PPP1R42: variants seen among roughly 807,000 people sequenced by gnomAD.
PPP1R42 encodes the protein protein phosphatase 1 regulatory subunit 42.
Under a neutral mutation model 31.0 loss-of-function variants are expected in PPP1R42, and 34 were observed. The observed-to-expected ratio is 1.10, with a 90% CI of 0.83 to 1.46. The LOEUF is 1.46. Among genes scored for constraint, PPP1R42 ranks in the 40% most tolerant of loss-of-function variants. The probability of loss-of-function intolerance (pLI) is 0.00; values close to 1 mark genes in which losing one functional copy is unlikely to be tolerated. For synonymous variants in PPP1R42, 103 were observed against 109.8 expected, an observed-to-expected ratio of 0.94 and a Z score of 0.39; for missense variants, 268 against 303.0, an observed-to-expected ratio of 0.88 and a Z score of 0.86.
At chr8:66,986,994 C>A (rs957152346) in intron 6 of PPP1R42, among the ~76,000 whole-genome samples, 1 of 152,192 alleles carries the variant, frequency 6.6e-6, no homozygotes, top group Non-Finnish European at 1.5e-5. Flanking sequence ...TGAAACCCCG[C>A]CTCTACTCTA....
chr8:66,986,238 C>T (rs1815011252), intron 6 of PPP1R42: 1 of 529,512 alleles, frequency 1.9e-6, no homozygotes, highest in Middle Eastern at 5.4e-4. Context: ...CCGCGCCCTG[C>T]CTGACATCAC....
chr8:67,014,561 A>T lies in PPP1R42; in HGVS notation c.161T>A (p.Val54Asp). ...EDLSLCKNLS[V>D]LYLYDNCISQ... is the part of the protein sequence containing the mutation. ...AATACAATTATCATATAAATATAAA[A>T]CACTAAGATTTTTGCAAAGAGAGAG... is the stretch of plus-strand genomic sequence containing the variant. The change falls in exon 3 of 8, where the codon GTT becomes GAT. Residue 54 changes from valine to aspartate, a missense_variant. Transcript: ENST00000685739. The T allele has an allele frequency of 6.5e-7, 1 of 1,539,676 alleles. No individual in the cohort carries two copies. The highest frequency in any genetic ancestry group is 8.8e-7 in the Non-Finnish European group (1 of 1,134,126).
intron 1 of PPP1R42, among the ~76,000 whole-genome samples, chr8:67,018,931 G>T (rs1816114787): frequency 6.9e-6 from 1 of 145,380 alleles, no homozygotes; most frequent in Non-Finnish European, 1.5e-5. Flanking sequence ...CCTGGTTAAA[G>T]CAATTCACCT....
At chr8:66,986,668 G>C (rs1375237157) in intron 6 of PPP1R42, among the ~76,000 whole-genome samples, 1 of 152,204 alleles carries the variant, frequency 6.6e-6, no homozygotes, top group Non-Finnish European at 1.5e-5. Flanking sequence ...CCAAGTTAAT[G>C]TCTTTAACTT....
chr8:66,970,991 A>G (rs1433823365), intron 7 of PPP1R42: 1 of 1,522,102 alleles, frequency 6.6e-7, no homozygotes. Context: ...CCCATCTCTT[A>G]AATAATTTTA....
intron 6 of PPP1R42, chr8:66,985,122 A>G: frequency 8.3e-7 from 1 of 1,198,398 alleles, no homozygotes. Flanking sequence ...GGGCAAGCCT[A>G]GTCAAAGTAT....
chr8:66,987,733 T>A (rs1262638904), intron 6 of PPP1R42, among the ~76,000 whole-genome samples: 2 of 152,198 alleles, frequency 1.3e-5, no homozygotes, highest in East Asian at 3.8e-4. Flanking sequence ...CCACTCATGC[T>A]AAGTAAACCA....
chr8:66,986,101 T>C lies in PPP1R42; in HGVS notation c.670+2299A>G, dbSNP rs1044075951. 2.8e-5 allele frequency: 20 copies of C among 713,412 alleles called. 1 individual carries two copies. In the Admixed American group the frequency reaches 3.5e-4, roughly 13 times the overall value. The allele number at this position is 713,412 out of a possible 1,614,324, so 44.2% of individuals were successfully genotyped here. On this transcript the variant is annotated intron_variant, in intron 6 of 7. Transcript: ENST00000685739. Reference sequence around the variant, plus strand: ...TGATCGGCTGCCTTCTTCTTGTCCATGCTCTTCCCTACAGCAGTTCAATGC... The same window carrying C: ...TGATCGGCTGCCTTCTTCTTGTCCACGCTCTTCCCTACAGCAGTTCAATGC...
rs908923321 is a variant in PPP1R42 at position 67,028,493 on chromosome 8, C to G, written c.-87G>C. 4 of 985,412 alleles carry G rather than the reference C, an allele frequency of 4.1e-6. No individual in the cohort carries two copies. In the African/African-American group the frequency reaches 7.0e-5, roughly 17 times the overall value. The allele number at this position is 985,412 out of a possible 1,614,324, so 61.0% of individuals were successfully genotyped here. ...CTTATTCCCCGCGGGCAGCTCACCG[C>G]TCGCGGGACAGTCCGGTAGCTAACT... On this transcript the variant is annotated splice_region_variant and 5_prime_UTR_variant, in exon 1 of 8. Transcript: ENST00000685739.
intron 7 of PPP1R42, among the ~76,000 whole-genome samples, chr8:66,969,010 T>C: frequency 6.6e-6 from 1 of 152,258 alleles, no homozygotes. Context: ...TAGGATAGCC[T>C]ATCTTTGCAG....
At chr8:66,987,700 TTCTC>T (rs1815065165) in intron 6 of PPP1R42, among the ~76,000 whole-genome samples, 1 of 152,190 alleles carries the variant, frequency 6.6e-6, no homozygotes, top group South Asian at 2.1e-4. Flanking sequence ...TTTAATAAGT[TTCTC>T]TCAATACAAA....
At position 67,010,812 on chromosome 8, in the gene PPP1R42, T is replaced by C. The variant is rs1815820603; in HGVS notation, c.455A>G (p.Asn152Ser). ...HSLAKSLCIL[N>S]ISNNNIDDIT... ...GTCATCAATATTATTATTGCTGATA[T>C]TCAATATACAGAGGGATTTCTGTAA... is the stretch of plus-strand genomic sequence containing the variant. The change falls in exon 5 of 8, where the codon AAT becomes AGT. Residue 152 changes from asparagine (N) to serine (S), a missense_variant. Coordinates refer to ENST00000685739, the MANE Select transcript of PPP1R42 (RefSeq NM_001364910.1). 2 of 1,596,468 alleles carry C rather than the reference T, an allele frequency of 1.3e-6. No individual in the cohort carries two copies. Among genetic ancestry groups the C allele is most frequent in the East Asian group, 2.2e-5 (1 of 44,640 alleles).
chr8:66,982,487 C>T (rs1373800519), intron 6 of PPP1R42, among the ~76,000 whole-genome samples: 2 of 151,854 alleles, frequency 1.3e-5, no homozygotes, highest in Admixed American at 6.6e-5. Context: ...GACAAGTTCT[C>T]GCTCTGTCAT....
intron 5 of PPP1R42, among the ~76,000 whole-genome samples, chr8:66,991,580 GT>G (rs1443313356): frequency 6.6e-6 from 1 of 152,142 alleles, no homozygotes; most frequent in Non-Finnish European, 1.5e-5. Context: ...CGTCCACCAA[GT>G]TTTCTCAGTT....
At chr8:66,999,598 G>T (rs1166460033) in intron 5 of PPP1R42, among the ~76,000 whole-genome samples, 1 of 152,104 alleles carries the variant, frequency 6.6e-6, no homozygotes, top group Non-Finnish European at 1.5e-5. Context: ...GATCTGCTCA[G>T]CTTGGCCTCC....
chr8:66,985,259 G>C, intron 6 of PPP1R42: 1 of 1,059,776 alleles, frequency 9.4e-7, no homozygotes, highest in South Asian at 1.3e-5. Flanking sequence ...GTGCGTTTCT[G>C]GCGCTGGGAA....
intron 7 of PPP1R42, among the ~76,000 whole-genome samples, chr8:66,975,981 T>C (rs1256732963): frequency 1.3e-5 from 2 of 152,212 alleles, no homozygotes; most frequent in Admixed American, 6.5e-5. Flanking sequence ...TGTGGCCTAT[T>C]AGAAACTGGG....
chr8:66,968,570 A>G (rs1359447177), intron 7 of PPP1R42: 3 of 762,316 alleles, frequency 3.9e-6, no homozygotes, highest in Non-Finnish European at 4.8e-6. Flanking sequence ...TCTAGAAACT[A>G]AAAATCTGTT....
chr8:66,989,151 TG>T, intron 5 of PPP1R42, among the ~76,000 whole-genome samples: 1 of 152,200 alleles, frequency 6.6e-6, no homozygotes, highest in African/African-American at 2.4e-5. Context: ...AGTACAATTT[TG>T]TTTTATATTA....
Sources: gnomAD v4.1 joint callset for allele counts (sites outside exome capture counted in the v4.1 genomes callset) on GRCh38, gnomAD v4.1.1 for gene constraint, MANE v1.5 for transcripts, NCBI Gene and HGNC (gene_info 2026-07-23, HGNC 2026-07-21) for gene names.